Variants in PDE11A observed in about 807,000 individuals in gnomAD.
PDE11A encodes the protein phosphodiesterase 11A.
PDE11A carries 100 observed loss-of-function variants against 100.5 expected under a neutral mutation model. The observed-to-expected ratio is 1.00, with a 90% CI of 0.85 to 1.18. PDE11A has a LOEUF of 1.18. PDE11A is among the 50% of genes most tolerant of loss of function. The pLI, the probability that PDE11A is intolerant of heterozygous loss-of-function variation, is 0.00. For synonymous variants in PDE11A, 381 were observed against 420.8 expected (o/e 0.91, Z 1.16); for missense variants, 1,141 against 1,152.6 (o/e 0.99, Z 0.15).
intron 15 of PDE11A, among the ~76,000 whole-genome samples, chr2:177,692,788 A>G (rs1217690573): frequency 6.6e-6 from 1 of 152,250 alleles, no homozygotes; most frequent in Non-Finnish European, 1.5e-5. Context: ...TTTGAATGAC[A>G]TAGAATCCCA....
intron 1 of PDE11A, among the ~76,000 whole-genome samples, chr2:178,051,079 A>AG (rs139504558): frequency 0.95 from 144,012 of 152,212 alleles, 68,650 homozygotes; most frequent in East Asian, 1. Flanking sequence ...GTTGAAATGA[A>AG]GAAAAAATGC....
intron 2 of PDE11A, among the ~76,000 whole-genome samples, chr2:177,933,329 C>G (rs1453307487): frequency 6.6e-6 from 1 of 151,942 alleles, no homozygotes; most frequent in Non-Finnish European, 1.5e-5. Flanking sequence ...AAAAACTAGG[C>G]TAAAATTCAT....
At chr2:178,077,487 C>T (rs961055295), upstream of PDE11A, among the ~76,000 whole-genome samples, 1 of 152,130 alleles carries the variant, frequency 6.6e-6, no homozygotes, top group Non-Finnish European at 1.5e-5. Flanking sequence ...TTAAATCCAG[C>T]TGCCTTCTCC....
At chr2:177,914,243 G>A (rs1402759599) in intron 2 of PDE11A, among the ~76,000 whole-genome samples, 1 of 151,918 alleles carries the variant, frequency 6.6e-6, no homozygotes, top group Admixed American at 6.6e-5. Flanking sequence ...TACCCTTTAT[G>A]TGCTAAGAAT....
At chr2:177,774,487 G>T (rs985112164) in intron 9 of PDE11A, among the ~76,000 whole-genome samples, 13 of 152,052 alleles carry the variant, frequency 8.5e-5, no homozygotes, top group Admixed American at 2.0e-4. Flanking sequence ...CTCCTTTCTG[G>T]GCTTCCATGA....
intron 13 of PDE11A, among the ~76,000 whole-genome samples, chr2:177,706,213 A>C (rs1163570822): frequency 2.6e-5 from 4 of 152,234 alleles, no homozygotes; most frequent in Admixed American, 6.5e-5. Context: ...TTTGCATTTT[A>C]TATAGTAATT....
intron 2 of PDE11A, among the ~76,000 whole-genome samples, chr2:177,917,264 T>C (rs1436563060): frequency 2.0e-5 from 3 of 152,138 alleles, no homozygotes; most frequent in African/African-American, 7.2e-5. Flanking sequence ...GCTATCCAGA[T>C]GTAGGCATAA....
intron 9 of PDE11A, among the ~76,000 whole-genome samples, chr2:177,774,823 T>A (rs1167946831): frequency 1.3e-5 from 2 of 152,218 alleles, no homozygotes; most frequent in African/African-American, 4.8e-5. Flanking sequence ...CCCCACAAGA[T>A]GTCCATGTCC....
intron 5 of PDE11A, among the ~76,000 whole-genome samples, chr2:177,868,120 A>G (rs1317175830): frequency 1.3e-5 from 2 of 152,252 alleles, no homozygotes; most frequent in East Asian, 1.9e-4. Context: ...TAGATTCCAC[A>G]CAGATGTGTA....
intron 5 of PDE11A, among the ~76,000 whole-genome samples, chr2:177,871,730 T>C (rs1338395017): frequency 6.6e-6 from 1 of 151,782 alleles, no homozygotes; most frequent in Non-Finnish European, 1.5e-5. Context: ...TGTGGTGGCA[T>C]GCACTTGCAG....
At chr2:178,063,572 G>A (rs898671215) in intron 1 of PDE11A, among the ~76,000 whole-genome samples, 3 of 152,186 alleles carry the variant, frequency 2.0e-5, no homozygotes, top group Admixed American at 2.0e-4. Flanking sequence ...AGGTAGCTGA[G>A]TAAGTTTAGG....
Position 177,625,603 on chromosome 2 carries a change from CAA to C in PDE11A, c.*3802_*3803del, listed in dbSNP as rs548353814. The C allele has an allele frequency of 1.4e-4, 21 of 152,262 alleles. No homozygotes were observed. The highest frequency in any genetic ancestry group is 2.8e-4 in the Non-Finnish European group (19 of 68,014). The allele number at this position is 152,262 out of a possible 1,614,324, so 9.4% of individuals were successfully genotyped here. On this transcript the variant is annotated 3_prime_UTR_variant, in exon 20 of 20. Coordinates refer to ENST00000286063, the MANE Select transcript of PDE11A (RefSeq NM_016953.4). ...ATGAAGTTATTTCAACAATTAATGCCAAGAGACCTGAGGAAGCAAACATAATC... is the reference window on the plus strand; with the variant it reads ...ATGAAGTTATTTCAACAATTAATGCCGAGACCTGAGGAAGCAAACATAATC...
rs143096584 is a variant in PDE11A at position 177,689,906 on chromosome 2, G to A, written c.2345+7426C>T. Reference sequence around the variant, plus strand: ...TGTGTAAGCCATGGCTAGAAGGAGCGCACTCCAGCTGCTCCTGCATTCACT... The same window carrying A: ...TGTGTAAGCCATGGCTAGAAGGAGCACACTCCAGCTGCTCCTGCATTCACT... On this transcript the variant is annotated intron_variant, in intron 15 of 19. Coordinates refer to ENST00000286063, the MANE Select transcript of PDE11A (RefSeq NM_016953.4). 6.2e-4 allele frequency among the ~76,000 whole-genome samples: 94 copies of A among 152,250 alleles called. No homozygotes were observed. In the East Asian group the frequency reaches 7.2e-3, roughly 12 times the overall value.
intron 19 of PDE11A, among the ~76,000 whole-genome samples, chr2:177,659,737 C>T (rs552353889): frequency 6.6e-6 from 1 of 152,208 alleles, no homozygotes; most frequent in African/African-American, 2.4e-5. Flanking sequence ...GCTGGTGTGG[C>T]AATTTCAAAG....
intron 12 of PDE11A, among the ~76,000 whole-genome samples, chr2:177,716,605 G>A (rs1463539216): frequency 6.6e-6 from 1 of 152,146 alleles, no homozygotes; most frequent in Non-Finnish European, 1.5e-5. Context: ...AACTCAAAAT[G>A]TTGAGTTTGG....
intron 2 of PDE11A, among the ~76,000 whole-genome samples, chr2:177,912,510 C>A (rs1286157442): frequency 1.3e-5 from 2 of 152,130 alleles, no homozygotes; most frequent in African/African-American, 4.8e-5. Context: ...CACTCAATAA[C>A]CTTATTTCTA....
chr2:177,880,352 C>T (rs571758327), intron 4 of PDE11A, among the ~76,000 whole-genome samples: 2 of 152,208 alleles, frequency 1.3e-5, no homozygotes, highest in South Asian at 2.1e-4. Flanking sequence ...GCAGGTCAAC[C>T]CTATTTTTGT....
At chr2:178,098,905 G>A (rs1451904882) in intron 2 of PDE11A, among the ~76,000 whole-genome samples, 1 of 152,114 alleles carries the variant, frequency 6.6e-6, no homozygotes, top group Non-Finnish European at 1.5e-5. Context: ...TAGCTAATAT[G>A]CTAATCTCAT....
rs1014399829 is a variant in PDE11A, at chr2:177,625,171, T to A, written c.*4236A>T. The A allele has an allele frequency of 4.6e-5, 7 of 152,680 alleles. No homozygotes were observed. The highest frequency in any genetic ancestry group is 1.7e-4 in the African/African-American group (7 of 41,468). 9.5% of individuals were successfully genotyped at this position (152,680 alleles called of 1,614,324 possible). On this transcript the variant is annotated 3_prime_UTR_variant, in exon 20 of 20. Coordinates refer to ENST00000286063, the MANE Select transcript of PDE11A (RefSeq NM_016953.4). ...CATCTGTAGTATGATTGTGCTTACATCTACCCCATATATGTAAGTTTTATT... is the reference window on the plus strand; with the variant it reads ...CATCTGTAGTATGATTGTGCTTACAACTACCCCATATATGTAAGTTTTATT...
Sources: allele counts gnomAD v4.1 joint callset (sites outside exome capture counted in the v4.1 genomes callset), GRCh38; gene constraint gnomAD v4.1.1; transcripts MANE v1.5; gene names NCBI Gene and HGNC (gene_info 2026-07-23, HGNC 2026-07-21).